TERF1: variants seen among roughly 807,000 people sequenced by gnomAD.
TERF1 encodes the protein telomeric repeat-binding factor 1.
In TERF1, 20 loss-of-function variants were observed where a neutral mutation model predicts 55.1. The ratio of observed to expected loss-of-function variants is 0.36; its 90% CI spans 0.26 to 0.53. The LOEUF (loss-of-function observed/expected upper bound fraction) is 0.53. TERF1 is among the 20% of genes least tolerant of loss of function. The pLI, the probability that TERF1 is intolerant of heterozygous loss-of-function variation, is 0.91. For synonymous variants in TERF1, 168 were observed against 181.2 expected (o/e 0.93, Z 0.59); for missense variants, 439 against 535.7 (o/e 0.82, Z 1.78).
In TERF1 at chr8:73,024,806, C is replaced by A. The variant is rs751011910; in HGVS notation, c.625-16C>A. On this transcript the variant is annotated splice_polypyrimidine_tract_variant and intron_variant, in intron 4 of 9. Coordinates refer to ENST00000276603, the MANE Select transcript of TERF1 (RefSeq NM_017489.3). Reference sequence around the variant, plus strand: ...TTGTGTGATTTATGTTAATATATTTCTTCTGTTTTCTTTAGCCTTTCAAAA... The same window carrying A: ...TTGTGTGATTTATGTTAATATATTTATTCTGTTTTCTTTAGCCTTTCAAAA... The A allele has an allele frequency of 5.3e-6, 8 of 1,520,442 alleles. No individual in the cohort carries two copies. The highest frequency in any genetic ancestry group is 1.4e-5 in the African/African-American group (1 of 71,570). The allele number at this position is 1,520,442 out of a possible 1,614,324, so 94.2% of individuals were successfully genotyped here. A position where few individuals can be genotyped will look rare whatever the true frequency, so the allele number is the denominator to read the frequency against.
intron 9 of TERF1, among the ~76,000 whole-genome samples, chr8:73,041,534 T>G (rs894653134): frequency 6.6e-6 from 1 of 152,162 alleles, no homozygotes; most frequent in East Asian, 1.9e-4. Flanking sequence ...GGGTGAGACA[T>G]GAAGGCTAGA....
chr8:73,015,685 AAAAAAT>A (rs1808473392), intron 2 of TERF1, among the ~76,000 whole-genome samples: 1 of 151,692 alleles, frequency 6.6e-6, no homozygotes, highest in Admixed American at 6.6e-5. Flanking sequence ...AAAATACAAA[AAAAAAT>A]AAAAATAAAA....
rs755225116 is a variant in TERF1, at chr8:73,026,926, G to A, written c.775-14G>A. ...TTTCTTCCTATCCTTCTACCTCCAC[G>A]CACGTTTTTTAAGGCAGCGGCAAAA... On this transcript the variant is annotated splice_polypyrimidine_tract_variant and intron_variant, in intron 5 of 9. Transcript: ENST00000276603. 1.3e-5 allele frequency: 20 copies of A among 1,598,328 alleles called. 1 individual carries two copies. The highest frequency in any genetic ancestry group is 1.3e-5 in the African/African-American group (1 of 74,472).
In TERF1 at chr8:73,046,206, T is replaced by C. The variant is rs574748842; in HGVS notation, c.*69T>C. 7.7e-7 allele frequency: 1 copy of C among 1,306,928 alleles called. No homozygotes were observed. The highest frequency in any genetic ancestry group is 1.5e-5 in the African/African-American group (1 of 65,622). 81.0% of individuals were successfully genotyped at this position (1,306,928 alleles called of 1,614,324 possible). A position where few individuals can be genotyped will look rare whatever the true frequency, so the allele number is the denominator to read the frequency against. On this transcript the variant is annotated 3_prime_UTR_variant, in exon 10 of 10. Coordinates refer to ENST00000276603, the MANE Select transcript of TERF1 (RefSeq NM_017489.3). ...ATCACTGCATTTTGTTTGAAACTTG[T>C]GTCATTGATGTAATTTAAAACTTTT...
chr8:73,020,710 A>C lies in TERF1; in HGVS notation c.442A>C (p.Ile148Leu). The change falls in exon 3 of 10, where the codon ATT becomes CTT. Residue 148 changes from isoleucine (I) to leucine (L), a missense_variant. Transcript: ENST00000276603. Reference sequence around the variant, plus strand: ...TGCACAGTTTGAAAATGATGAACGAATTACACCCTTGGAATCAGCCCTGAT... The same window carrying C: ...TGCACAGTTTGAAAATGATGAACGACTTACACCCTTGGAATCAGCCCTGAT... ...LDAQFENDER[I>L]TPLESALMIW... 6.2e-7 allele frequency: 1 copy of C among 1,604,434 alleles called. No homozygotes were observed. Among genetic ancestry groups the C allele is most frequent in the Middle Eastern group, 2.3e-4 (1 of 4,400 alleles).
intron 8 of TERF1, among the ~76,000 whole-genome samples, chr8:73,037,701 ATATTAT>A (rs1809616255): frequency 1.9e-4 from 3 of 15,704 alleles, no homozygotes; most frequent in Non-Finnish European, 5.5e-4. Context: ...ATATAGTATA[ATATTAT>A]ATTATATATA....
At chr8:73,037,186 TA>T (rs201502970) in intron 8 of TERF1, among the ~76,000 whole-genome samples, 2 of 129,744 alleles carry the variant, frequency 1.5e-5, no homozygotes, top group South Asian at 2.2e-4. Context: ...TATAATATAA[TA>T]ATATATATTA....
rs1484274179 is a variant in TERF1 at position 73,047,615 on chromosome 8, G to C, written c.*1478G>C. 2 of 152,154 alleles carry C rather than the reference G, an allele frequency of 1.3e-5. No homozygotes were observed. Among genetic ancestry groups the C allele is most frequent in the African/African-American group, 4.8e-5 (2 of 41,440 alleles). 9.4% of individuals were successfully genotyped at this position (152,154 alleles called of 1,614,324 possible). On this transcript the variant is annotated 3_prime_UTR_variant, in exon 10 of 10. Transcript: ENST00000276603. ...TGAGTAAAAATATTGGAATATTGAA[G>C]TATTTGCATAAAAAATCAAATGGTG...
Position 73,013,944 on chromosome 8 carries a change from A to T in TERF1, c.369A>T (p.Ile123=). 1 of 1,611,556 alleles carries T rather than the reference A, an allele frequency of 6.2e-7. No individual in the cohort carries two copies. Among genetic ancestry groups the T allele is most frequent in the South Asian group, 1.1e-5 (1 of 90,838 alleles). The change falls in exon 2 of 10, where the codon ATA becomes ATT. Residue 123 remains isoleucine (I), a synonymous_variant. Coordinates refer to ENST00000276603, the MANE Select transcript of TERF1 (RefSeq NM_017489.3). ...TAACAGCTTGCCAGTTGAGAACGAT[A>T]TACATATGTCAGTTTTTGACAAGAA... ...SSLTACQLRT[I]YICQFLTRIA...
intron 9 of TERF1, among the ~76,000 whole-genome samples, chr8:73,043,719 T>C (rs1042722053): frequency 1.3e-5 from 2 of 152,034 alleles, no homozygotes; most frequent in African/African-American, 2.4e-5. Flanking sequence ...TCAGAAAACA[T>C]TGGTCATTTC....
intron 1 of TERF1, 63 bp downstream of exon 1, chr8:73,009,268 C>A: frequency 1.3e-6 from 2 of 1,536,976 alleles, no homozygotes; most frequent in Non-Finnish European, 1.8e-6. Context: ...CCGTGGTGCG[C>A]GGCAGAGGGC....
chr8:73,025,034 AT>A (rs1425820040), intron 5 of TERF1, 63 bp downstream of exon 5: 4 of 993,918 alleles, frequency 4.0e-6, no homozygotes, highest in Non-Finnish European at 4.2e-6. Flanking sequence ...ATAAAGGAGA[AT>A]ACTTGAAATA....
intron 5 of TERF1, 128 bp from the exon 6 acceptor site, chr8:73,026,812 C>A: frequency 1.4e-6 from 1 of 695,802 alleles, no homozygotes; most frequent in Non-Finnish European, 2.4e-6. Context: ...CAGTGCCCTT[C>A]ATTGGCCTGT....
chr8:73,029,083 C>G (rs2129822773), intron 6 of TERF1, among the ~76,000 whole-genome samples: 1 of 152,208 alleles, frequency 6.6e-6, no homozygotes, highest in South Asian at 2.1e-4. Context: ...AATAAAGCAT[C>G]AAACCACCAG....
chr8:73,020,941 T>G (rs1808723261), intron 3 of TERF1, 136 bp downstream of exon 3: 1 of 648,826 alleles, frequency 1.5e-6, no homozygotes, highest in Admixed American at 3.3e-5. Flanking sequence ...ACCTTTGGTT[T>G]ATAGTCTTAA....
chr8:73,042,046 C>G (rs1809853280), intron 9 of TERF1, among the ~76,000 whole-genome samples: 1 of 152,074 alleles, frequency 6.6e-6, no homozygotes, highest in African/African-American at 2.4e-5. Context: ...GACATTTGTT[C>G]TTTGATGTAT....
chr8:73,030,639 G>C, intron 7 of TERF1: 1 of 333,610 alleles, frequency 3.0e-6, no homozygotes, highest in Non-Finnish European at 5.4e-6. Context: ...CATATAGGGA[G>C]TTCTTGAGCT....
chr8:73,016,917 C>A (rs771002959), intron 2 of TERF1, among the ~76,000 whole-genome samples: 1 of 152,144 alleles, frequency 6.6e-6, no homozygotes, highest in African/African-American at 2.4e-5. Context: ...ATCAGCAAAT[C>A]GGCAGCTCAC....
At chr8:73,023,518 T>C (rs969051050) in intron 4 of TERF1, among the ~76,000 whole-genome samples, 1 of 152,192 alleles carries the variant, frequency 6.6e-6, no homozygotes, top group South Asian at 2.1e-4. Context: ...ACCCTGTACC[T>C]GGGGTATAAC....
Sources: allele counts gnomAD v4.1 joint callset (sites outside exome capture counted in the v4.1 genomes callset), GRCh38; gene constraint gnomAD v4.1.1; transcripts MANE v1.5; gene names NCBI Gene and HGNC (gene_info 2026-07-23, HGNC 2026-07-21).